UBR3: variants seen among roughly 807,000 people sequenced by gnomAD.
UBR3 encodes ubiquitin protein ligase E3 component n-recognin 3, also known as E3 ubiquitin-protein ligase UBR3.
A neutral mutation model predicts 243.2 loss-of-function variants in UBR3; 85 were observed. The ratio of observed to expected loss-of-function variants is 0.35; its 90% confidence interval spans 0.29 to 0.42. The LOEUF is 0.42. Ranked by LOEUF, UBR3 falls within the 10% of genes least tolerant of loss-of-function variation. UBR3 has a pLI of 1.00. For missense variants in UBR3, 1,686 were observed against 2,300.8 expected (o/e 0.73, Z 5.47); for synonymous variants, 748 against 799.8 (o/e 0.94, Z 1.09).
At chr2:170,043,682 C>T (rs2091020328) in intron 32 of UBR3, among the ~76,000 whole-genome samples, 1 of 152,168 alleles carries the variant, frequency 6.6e-6, no homozygotes, top group Non-Finnish European at 1.5e-5. Context: ...GGTTGCTATG[C>T]TTCTTTGCCA....
chr2:169,964,935 G>A, intron 24 of UBR3: 1 of 456,992 alleles, frequency 2.2e-6, no homozygotes, highest in Non-Finnish European at 4.4e-6. Flanking sequence ...CTTTCTCCCA[G>A]TCTCGGTTCT....
In UBR3 at chr2:170,082,804, G is replaced by A. The variant is rs982376831; in HGVS notation, c.*961G>A. 1 of 152,280 alleles carries A rather than the reference G, an allele frequency of 6.6e-6. No homozygotes were observed. Among genetic ancestry groups the A allele is most frequent in the South Asian group, 2.1e-4 (1 of 4,824 alleles). The allele number at this position is 152,280 out of a possible 1,614,324, so 9.4% of individuals were successfully genotyped here. On this transcript the variant is annotated 3_prime_UTR_variant, in exon 39 of 39. Transcript: ENST00000272793. ...CAAGAGGTTCAGCTATATTGTATTT[G>A]TGCAGTGTAATCACTACTATTTCTG...
At chr2:170,075,094 A>C (rs1020615365) in intron 36 of UBR3, among the ~76,000 whole-genome samples, 1 of 152,138 alleles carries the variant, frequency 6.6e-6, no homozygotes, top group Non-Finnish European at 1.5e-5. Context: ...AAAACATTGG[A>C]GTGAATAATA....
chr2:169,841,433 A>T (rs563879917), intron 1 of UBR3, among the ~76,000 whole-genome samples: 1 of 152,276 alleles, frequency 6.6e-6, no homozygotes, highest in African/African-American at 2.4e-5. Flanking sequence ...CTTTGGTGGC[A>T]TTTGAGGAGC....
At chr2:170,072,140 C>T (rs548078301) in intron 35 of UBR3, among the ~76,000 whole-genome samples, 13 of 152,116 alleles carry the variant, frequency 8.5e-5, no homozygotes, top group Non-Finnish European at 1.3e-4. Flanking sequence ...TATTGCGACA[C>T]TATTCACAAT....
rs1464008714 is a variant in UBR3 at position 169,896,740 on chromosome 2, C to G, written c.1465+5C>G. On this transcript the variant is annotated splice_donor_5th_base_variant and intron_variant, in intron 8 of 38. Coordinates refer to ENST00000272793, the MANE Select transcript of UBR3 (RefSeq NM_172070.4). Reference sequence around the variant, plus strand: ...TTATTAAAAGTGAGCTACAAGGTAACTCAGAATTATATTCACTAGTTCTAT... The same window carrying G: ...TTATTAAAAGTGAGCTACAAGGTAAGTCAGAATTATATTCACTAGTTCTAT... The G allele has an allele frequency of 2.6e-6, 4 of 1,541,620 alleles. No individual in the cohort carries two copies. Among genetic ancestry groups the G allele is most frequent in the Non-Finnish European group, 3.5e-6 (4 of 1,139,996 alleles).
intron 1 of UBR3, among the ~76,000 whole-genome samples, chr2:169,860,697 G>T (rs2083056505): frequency 2.0e-5 from 3 of 152,068 alleles, no homozygotes; most frequent in African/African-American, 7.2e-5. Context: ...ATTGTCTTAG[G>T]AAAAATAGCC....
intron 24 of UBR3, among the ~76,000 whole-genome samples, chr2:169,978,457 G>T (rs147226842): frequency 6.6e-6 from 1 of 152,064 alleles, no homozygotes; most frequent in Admixed American, 6.5e-5. Context: ...TGTTTACCCC[G>T]GGGGAACAGG....
intron 26 of UBR3, among the ~76,000 whole-genome samples, chr2:169,999,811 TGAAA>T (rs10607054): frequency 0.095 from 14,473 of 152,160 alleles, 824 homozygotes; most frequent in African/African-American, 0.16. Flanking sequence ...AAAGGAAAGA[TGAAA>T]GAAAGAAACT....
intron 27 of UBR3, among the ~76,000 whole-genome samples, 165 bp from the exon 28 acceptor site, chr2:170,006,825 G>A (rs1354939810): frequency 2.0e-5 from 3 of 152,054 alleles, no homozygotes; most frequent in African/African-American, 7.3e-5. Context: ...GAAGTGATTT[G>A]GTGAACTTTA....
At chr2:170,076,570 C>T (rs888255766) in intron 36 of UBR3, among the ~76,000 whole-genome samples, 2 of 152,122 alleles carry the variant, frequency 1.3e-5, no homozygotes, top group African/African-American at 4.8e-5. Flanking sequence ...CCTGCTCACC[C>T]TGAATTCAAT....
chr2:169,881,914 T>C (rs1164340943), intron 5 of UBR3, among the ~76,000 whole-genome samples: 59 of 99,156 alleles, frequency 6.0e-4, no homozygotes, highest in Admixed American at 1.6e-3. Context: ...GGTATATGTA[T>C]ATGTATACAT....
chr2:169,943,901 T>C (rs565868534), intron 20 of UBR3, among the ~76,000 whole-genome samples: 52 of 152,260 alleles, frequency 3.4e-4, no homozygotes, highest in African/African-American at 1.0e-3. Context: ...ACTTTTAAAT[T>C]TCTATACTTC....
At position 169,861,466 on chromosome 2, in the gene UBR3, G is replaced by T. The variant is rs775498655; in HGVS notation, c.546-10770G>T. On this transcript the variant is annotated intron_variant, in intron 1 of 38. Coordinates refer to ENST00000272793, the MANE Select transcript of UBR3 (RefSeq NM_172070.4). ...CTACTAAAATTACAAAAATTAGCTG[G>T]GTGTAGTGGCGGCGCCTGTAATCCT... 7.9e-5 allele frequency among the ~76,000 whole-genome samples: 12 copies of T among 152,062 alleles called. 1 individual carries two copies. Among genetic ancestry groups the T allele is most frequent in the Non-Finnish European group, 1.5e-4 (10 of 68,002 alleles).
chr2:170,056,526 G>A (rs1249401816), intron 33 of UBR3, among the ~76,000 whole-genome samples: 1 of 152,172 alleles, frequency 6.6e-6, no homozygotes, highest in Non-Finnish European at 1.5e-5. Context: ...CTTAGAGACA[G>A]ATAAAAGAAG....
chr2:169,984,253 T>C (rs2088893896), intron 24 of UBR3, among the ~76,000 whole-genome samples: 1 of 152,200 alleles, frequency 6.6e-6, no homozygotes, highest in East Asian at 1.9e-4. Context: ...AGAAACCTTT[T>C]TATTGAAATA....
intron 31 of UBR3, among the ~76,000 whole-genome samples, chr2:170,039,959 C>T (rs1223925397): frequency 6.6e-6 from 1 of 152,038 alleles, no homozygotes; most frequent in African/African-American, 2.4e-5. Flanking sequence ...ATCTTGAACT[C>T]CTGATTTCAA....
chr2:169,854,565 T>C (rs531184854), intron 1 of UBR3, among the ~76,000 whole-genome samples: 1 of 152,278 alleles, frequency 6.6e-6, no homozygotes, highest in East Asian at 1.9e-4. Flanking sequence ...TCTGTATTGA[T>C]AAATCTTAAG....
chr2:169,827,611 T>C lies in UBR3; in HGVS notation c.104T>C (p.Leu35Pro). ...GACAAGGCGGCCACCGCCGCGCACCTCAAGGCGGCCCTCAGCCGGCCGGAC... is the reference window on the plus strand; with the variant it reads ...GACAAGGCGGCCACCGCCGCGCACCCCAAGGCGGCCCTCAGCCGGCCGGAC... ...ALDKAATAAH[L>P]KAALSRPDNR... Residue 35 changes from leucine to proline, a missense_variant, in exon 1 of 39, where the codon CTC (leucine) becomes CCC (proline). By Grantham distance (98) the Leu-to-Pro change is moderately conservative. Coordinates refer to ENST00000272793, the MANE Select transcript of UBR3 (RefSeq NM_172070.4). 7.9e-7 allele frequency: 1 copy of C among 1,268,456 alleles called. No homozygotes were observed. Among genetic ancestry groups the C allele is most frequent in the Non-Finnish European group, 9.9e-7 (1 of 1,007,714 alleles). 78.6% of individuals were successfully genotyped at this position (1,268,456 alleles called of 1,614,324 possible).
Sources: gnomAD v4.1 joint callset for allele counts (sites outside exome capture counted in the v4.1 genomes callset) on GRCh38, gnomAD v4.1.1 for gene constraint, MANE v1.5 for transcripts, NCBI Gene and HGNC (gene_info 2026-07-23, HGNC 2026-07-21) for gene names.